The following M1AP variants were observed in gnomAD, a reference collection of about 807,000 sequenced individuals.
M1AP encodes the protein meiosis 1 associated protein, also known as meiosis 1 arrest protein.
M1AP carries 39 observed loss-of-function variants against 51.2 expected under a neutral mutation model. The observed-to-expected ratio is 0.76, with a 90% CI of 0.59 to 1.00. The LOEUF (loss-of-function observed/expected upper bound fraction) is 1.00, where lower values mean the gene tolerates loss of function less well. M1AP is among the 50% of genes least tolerant of loss of function. M1AP has a pLI of 0.00. For synonymous variants in M1AP, 251 were observed against 249.2 expected (o/e 1.01, Z -0.07); for missense variants, 545 against 641.2 (o/e 0.85, Z 1.62).
intron 2 of M1AP, chr2:74,619,513 A>T (rs181788397): frequency 1.3e-5 from 2 of 152,468 alleles, no homozygotes; most frequent in East Asian, 1.9e-4. Context: ...GAACTCTAGG[A>T]AACTGCACTC....
At chr2:74,622,030 G>T (rs2104769029) in intron 2 of M1AP, among the ~76,000 whole-genome samples, 1 of 150,278 alleles carries the variant, frequency 6.7e-6, no homozygotes, top group East Asian at 2.0e-4. Context: ...TGAGGCATAA[G>T]AATCACTTAG....
intron 7 of M1AP, among the ~76,000 whole-genome samples, chr2:74,569,559 G>C (rs745721833): frequency 6.6e-6 from 1 of 151,914 alleles, no homozygotes; most frequent in Non-Finnish European, 1.5e-5. Context: ...ATTTTTAGTA[G>C]AGATGAGGTT....
intron 2 of M1AP, among the ~76,000 whole-genome samples, chr2:74,627,358 T>C (rs1682459595): frequency 6.6e-6 from 1 of 152,318 alleles, no homozygotes; most frequent in South Asian, 2.1e-4. Flanking sequence ...TTGATTTTGC[T>C]GTGGATTATT....
intron 4 of M1AP, among the ~76,000 whole-genome samples, chr2:74,603,114 T>C (rs1680765429): frequency 6.6e-6 from 1 of 152,192 alleles, no homozygotes; most frequent in Non-Finnish European, 1.5e-5. Flanking sequence ...TAGGGAACTA[T>C]GATTGCCTCA....
intron 1 of M1AP, among the ~76,000 whole-genome samples, chr2:74,641,939 G>C (rs191485047): frequency 1.7e-4 from 26 of 151,648 alleles, no homozygotes; most frequent in Non-Finnish European, 2.4e-4. Context: ...TCCGCCTCCC[G>C]GGTTCAAGCG....
intron 2 of M1AP, among the ~76,000 whole-genome samples, chr2:74,625,729 G>A (rs2104783602): frequency 6.6e-6 from 1 of 152,336 alleles, no homozygotes; most frequent in Middle Eastern, 3.4e-3. Context: ...CATGCATTCA[G>A]AATTCATAGT....
chr2:74,647,342 G>C (rs1380764743), intron 1 of M1AP: 2 of 985,204 alleles, frequency 2.0e-6, no homozygotes, highest in African/African-American at 3.5e-5. Context: ...AGCATTCTAG[G>C]TTAGGGCCCC....
chr2:74,601,030 T>C (rs958714742), intron 4 of M1AP, among the ~76,000 whole-genome samples: 9 of 152,248 alleles, frequency 5.9e-5, no homozygotes, highest in African/African-American at 2.2e-4. Context: ...TTTCTTTCCA[T>C]GCAAGTTGTA....
At chr2:74,565,825 TCACACACACACACACACA>T (rs72206117) in intron 7 of M1AP, among the ~76,000 whole-genome samples, 3 of 138,094 alleles carry the variant, frequency 2.2e-5, no homozygotes, top group East Asian at 2.3e-4. Flanking sequence ...TGAGATGCCG[TCACACACACACACACACA>T]CACACACACA....
intron 2 of M1AP, among the ~76,000 whole-genome samples, chr2:74,632,572 G>A (rs13424817): frequency 0.072 from 10,929 of 152,046 alleles, 1,088 homozygotes; most frequent in African/African-American, 0.22. Context: ...CTTTTGTTTG[G>A]GACTCCTTCA....
intron 2 of M1AP, among the ~76,000 whole-genome samples, chr2:74,627,539 T>C (rs1027790348): frequency 1.3e-5 from 2 of 152,126 alleles, no homozygotes; most frequent in Non-Finnish European, 2.9e-5. Flanking sequence ...ATTTTTATTG[T>C]TTTAGTGGTA....
At chr2:74,625,059 A>G (rs1243727177) in intron 2 of M1AP, among the ~76,000 whole-genome samples, 1 of 152,228 alleles carries the variant, frequency 6.6e-6, no homozygotes, top group African/African-American at 2.4e-5. Context: ...CAAATGGCAT[A>G]TAAGCATGCT....
At chr2:74,628,597 T>C (rs1207757472) in intron 2 of M1AP, 2 of 610,764 alleles carry the variant, frequency 3.3e-6, no homozygotes, top group Non-Finnish European at 5.9e-6. Flanking sequence ...ACAGTTTTAT[T>C]ATCTTGAGAG....
At chr2:74,561,127 A>AGGAGGAGGAGGAGGAGGAGGAGGAGGAGG (rs1677928690) in intron 8 of M1AP, among the ~76,000 whole-genome samples, 1 of 22,370 alleles carries the variant, frequency 4.5e-5, no homozygotes, top group Admixed American at 4.6e-4. Flanking sequence ...GGAGGAGGAG[A>AGGAGGAGGAGGAGGAGGAGGAGGAGGAGG]AGGAGGAGGA....
intron 5 of M1AP, among the ~76,000 whole-genome samples, chr2:74,581,297 A>G (rs181517634): frequency 2.6e-5 from 4 of 152,278 alleles, no homozygotes; most frequent in Non-Finnish European, 5.9e-5. Context: ...GGCTGTATTG[A>G]TATTGTTGAG....
chr2:74,622,539 CCTG>C (rs1682116277), intron 2 of M1AP, among the ~76,000 whole-genome samples: 1 of 140,960 alleles, frequency 7.1e-6, no homozygotes, highest in Non-Finnish European at 1.5e-5. Context: ...CCGGCCATTG[CCTG>C]CTTTTTTTTT....
chr2:74,631,885 T>C (rs1358316201), intron 2 of M1AP, among the ~76,000 whole-genome samples: 8 of 152,226 alleles, frequency 5.3e-5, no homozygotes, highest in Non-Finnish European at 1.5e-5. Flanking sequence ...TCATTCTGAG[T>C]AAGATTTCCC....
At chr2:74,583,548 C>A (rs534786507) in intron 4 of M1AP, among the ~76,000 whole-genome samples, 3 of 152,246 alleles carry the variant, frequency 2.0e-5, no homozygotes, top group East Asian at 1.9e-4. Flanking sequence ...AAGCACAGAG[C>A]AAATAAGGGA....
At chr2:74,643,588 T>C (rs1339435466) in intron 1 of M1AP, among the ~76,000 whole-genome samples, 1 of 146,352 alleles carries the variant, frequency 6.8e-6, no homozygotes, top group African/African-American at 2.7e-5. Flanking sequence ...GTTGGTAATG[T>C]TCTTTTTTTT....
Sources: allele counts gnomAD v4.1 joint callset (sites outside exome capture counted in the v4.1 genomes callset), GRCh38; gene constraint gnomAD v4.1.1; transcripts MANE v1.5; gene names NCBI Gene and HGNC (gene_info 2026-07-23, HGNC 2026-07-21).